GFPT1: variants seen among roughly 807,000 people sequenced by gnomAD.
GFPT1 encodes the protein glutamine--fructose-6-phosphate transaminase 1.
Under a neutral mutation model 92.0 loss-of-function variants are expected in GFPT1, and 40 were observed. The observed-to-expected ratio is 0.43, with a 90% CI of 0.34 to 0.57. GFPT1 has a LOEUF of 0.57. Among genes scored for constraint, GFPT1 ranks in the 20% least tolerant of loss-of-function variants. The pLI is 0.02. For missense variants in GFPT1, 448 were observed against 869.1 expected (o/e 0.52, Z 6.09); for synonymous variants, 269 against 280.6 (o/e 0.96, Z 0.41).
At chr2:69,329,271 T>C (rs1028630841) in intron 17 of GFPT1, 26 bp downstream of exon 17, 8 of 1,608,850 alleles carry the variant, frequency 5.0e-6, no homozygotes, top group South Asian at 1.1e-5. Flanking sequence ...AATGGACTGA[T>C]ACTAATTAGA....
At chr2:69,327,151 A>T (rs1226486664) in intron 18 of GFPT1, 76 bp from the exon 19 acceptor site, 6 of 1,267,456 alleles carry the variant, frequency 4.7e-6, no homozygotes, top group Non-Finnish European at 6.9e-6. Flanking sequence ...AATGTGCAAA[A>T]ATTGCACTGC....
intron 3 of GFPT1, among the ~76,000 whole-genome samples, chr2:69,369,763 G>A (rs965577971): frequency 3.3e-5 from 5 of 152,160 alleles, no homozygotes; most frequent in African/African-American, 1.2e-4. Flanking sequence ...TACACTGAAG[G>A]TAATATACCT....
intron 3 of GFPT1, among the ~76,000 whole-genome samples, chr2:69,367,601 T>A (rs556604417): frequency 4.4e-4 from 67 of 152,260 alleles, no homozygotes; most frequent in African/African-American, 1.4e-3. Flanking sequence ...GCTCAGGCAA[T>A]CCGCCCACCT....
At chr2:69,337,788 G>A (rs1048065703) in intron 15 of GFPT1, 110 bp downstream of exon 15, 1 of 883,638 alleles carries the variant, frequency 1.1e-6, no homozygotes, top group African/African-American at 1.6e-5. Flanking sequence ...AATAAAATGT[G>A]TGAGTTCTAT....
intron 6 of GFPT1, among the ~76,000 whole-genome samples, chr2:69,356,765 G>T (rs544217562): frequency 6.8e-6 from 1 of 147,634 alleles, no homozygotes; most frequent in Non-Finnish European, 1.5e-5. Flanking sequence ...TTGAGATGGA[G>T]TCTCACTCTG....
intron 1 of GFPT1, among the ~76,000 whole-genome samples, chr2:69,381,093 C>T (rs1021572321): frequency 6.6e-6 from 1 of 152,092 alleles, no homozygotes; most frequent in Non-Finnish European, 1.5e-5. Flanking sequence ...GATTCTCCCG[C>T]CTCAGCCTCT....
At chr2:69,328,922 C>T (rs551953761) in intron 17 of GFPT1, among the ~76,000 whole-genome samples, 2 of 152,184 alleles carry the variant, frequency 1.3e-5, no homozygotes, top group South Asian at 4.2e-4. Flanking sequence ...AGGCTGGTCT[C>T]GAACTTCTGA....
chr2:69,362,035 T>C (rs759925422), intron 4 of GFPT1, among the ~76,000 whole-genome samples: 2 of 152,126 alleles, frequency 1.3e-5, no homozygotes, highest in Non-Finnish European at 2.9e-5. Flanking sequence ...CACTTTTGTA[T>C]GTATTCTGTA....
rs113803950 is a variant in GFPT1, at chr2:69,386,676, G to T, written c.7+389C>A. Among the ~76,000 whole-genome samples, 619 of 152,172 alleles carry T rather than the reference G, an allele frequency of 4.1e-3. 5 individuals are homozygous for T. The highest frequency in any genetic ancestry group is 0.014 in the African/African-American group (589 of 41,556). On this transcript the variant is annotated intron_variant, in intron 1 of 19. Coordinates refer to ENST00000357308, the MANE Select transcript of GFPT1 (RefSeq NM_001244710.2). Reference sequence around the variant, plus strand: ...ATGCAAGGTAAGTTCAAGAGACCTCGCCCGAGGTTCCACAGGTTTCCTCAC... The same window carrying T: ...ATGCAAGGTAAGTTCAAGAGACCTCTCCCGAGGTTCCACAGGTTTCCTCAC...
chr2:69,351,218 C>A (rs1478350912), intron 9 of GFPT1, among the ~76,000 whole-genome samples: 1 of 152,096 alleles, frequency 6.6e-6, no homozygotes, highest in Admixed American at 6.6e-5. Context: ...CCTTTTAATT[C>A]TTGTATTTCA....
chr2:69,351,066 T>A (rs1343206871), intron 9 of GFPT1, among the ~76,000 whole-genome samples: 1 of 152,190 alleles, frequency 6.6e-6, no homozygotes, highest in African/African-American at 2.4e-5. Flanking sequence ...TGCATATCAC[T>A]CTCTAATCAC....
chr2:69,339,862 ATTC>A (rs1251286938), intron 13 of GFPT1, among the ~76,000 whole-genome samples: 3 of 152,148 alleles, frequency 2.0e-5, no homozygotes, highest in Non-Finnish European at 4.4e-5. Flanking sequence ...ATTTTTTATT[ATTC>A]TTTTCCATTA....
intron 17 of GFPT1, 104 bp downstream of exon 17, chr2:69,329,193 C>A (rs1435500145): frequency 1.7e-6 from 2 of 1,174,890 alleles, no homozygotes; most frequent in Non-Finnish European, 2.6e-6. Flanking sequence ...TACAGAAGCA[C>A]TTTCAAAAGT....
At position 69,338,523 on chromosome 2, in the gene GFPT1, C is replaced by A; in HGVS notation, c.1246G>T (p.Val416Leu). 6.2e-7 allele frequency: 1 copy of A among 1,613,218 alleles called. No individual in the cohort carries two copies. The highest frequency in any genetic ancestry group is 8.5e-7 in the Non-Finnish European group (1 of 1,179,192). The change falls in exon 14 of 20, where the codon GTG becomes TTG. Residue 416 changes from valine to leucine, a missense_variant. Val to Leu is a conservative substitution (Grantham distance 32). This residue lies in a region of GFPT1 where 121 missense variants were observed against 304.3 expected (regional missense o/e 0.40). Transcript: ENST00000357308. Reference sequence around the variant, plus strand: ...TCCAGGAAGTCACTTGCTAGTTCCACCATCACAGGCAACTCAGTCAGCTCC... The same window carrying A: ...TCCAGGAAGTCACTTGCTAGTTCCAACATCACAGGCAACTCAGTCAGCTCC... ...LEELTELPVM[V>L]ELASDFLDRN...
intron 15 of GFPT1, among the ~76,000 whole-genome samples, chr2:69,336,772 G>C (rs1050164524): frequency 6.6e-6 from 1 of 151,796 alleles, no homozygotes; most frequent in East Asian, 1.9e-4. Flanking sequence ...CCCCAGCCTG[G>C]GTGACAAAAC....
Position 69,358,460 on chromosome 2 carries a change from T to C in GFPT1, c.412A>G (p.Ser138Gly). Residue 138 changes from serine (S) to glycine (G), a missense_variant, in exon 6 of 20, where the codon AGC (serine) becomes GGC (glycine). Ser to Gly is a moderately conservative substitution (Grantham distance 56). Coordinates refer to ENST00000357308, the MANE Select transcript of GFPT1 (RefSeq NM_001244710.2). Reference protein sequence around the residue: ...NYKDLKKFLESKGYDFESETD... With the variant: ...NYKDLKKFLEGKGYDFESETD... ...TCAGATTCGAAGTCATAGCCTTTGC[T>C]TTCCTGTAAGTAGAAAGAAAAAAAA... is the stretch of plus-strand genomic sequence containing the variant. 6.2e-7 allele frequency: 1 copy of C among 1,601,918 alleles called. No homozygotes were observed. Among genetic ancestry groups the C allele is most frequent in the Non-Finnish European group, 8.6e-7 (1 of 1,169,424 alleles).
intron 10 of GFPT1, among the ~76,000 whole-genome samples, chr2:69,348,860 A>G (rs1275951887): frequency 6.6e-6 from 1 of 152,178 alleles, no homozygotes; most frequent in Non-Finnish European, 1.5e-5. Context: ...TCAGAGAGAC[A>G]ACAAAGTGCC....
At chr2:69,386,095 TAAGAA>T (rs1458357702) in intron 1 of GFPT1, among the ~76,000 whole-genome samples, 1 of 150,924 alleles carries the variant, frequency 6.6e-6, no homozygotes, top group Non-Finnish European at 1.5e-5. Context: ...ATAAGAAAGG[TAAGAA>T]TACAATTATT....
chr2:69,328,001 A>T (rs1333955339), intron 18 of GFPT1, among the ~76,000 whole-genome samples: 3 of 149,302 alleles, frequency 2.0e-5, no homozygotes. Context: ...TGGGAGGCTG[A>T]GGCAGGAAAA....
Sources: gnomAD v4.1 joint callset for allele counts (sites outside exome capture counted in the v4.1 genomes callset) on GRCh38, gnomAD v4.1.1 for gene constraint, gnomAD v4.1.1 regional missense constraint, MANE v1.5 for transcripts, NCBI Gene and HGNC (gene_info 2026-07-23, HGNC 2026-07-21) for gene names.